COPS7A: variants seen among roughly 807,000 people sequenced by gnomAD.
The protein encoded by COPS7A is COP9 signalosome complex subunit 7a.
COPS7A carries 20 observed loss-of-function variants against 35.2 expected under a neutral mutation model. The observed-to-expected ratio is 0.57, with a 90% CI of 0.40 to 0.83. The LOEUF is 0.83. Ranked by LOEUF, COPS7A falls within the 40% of genes least tolerant of loss-of-function variation. COPS7A has a pLI of 0.00. For synonymous variants in COPS7A, 139 were observed against 141.4 expected, an observed-to-expected ratio of 0.98 and a Z score of 0.12; for missense variants, 247 against 347.5, an observed-to-expected ratio of 0.71 and a Z score of 2.30.
At position 6,728,209 on chromosome 12, in the gene COPS7A, T is replaced by C; in HGVS notation, c.239-14T>C. ...TGAAATCAGGATTCCTTACACTTTG[T>C]CGTTTTTCCCTAGCTGAAGCCCGGA... is the stretch of plus-strand genomic sequence containing the variant. On this transcript the variant is annotated splice_polypyrimidine_tract_variant and intron_variant, in intron 3 of 7. Coordinates refer to ENST00000543155, the MANE Select transcript of COPS7A (RefSeq NM_001164094.2). The C allele has an allele frequency of 6.2e-7, 1 of 1,612,742 alleles. No individual in the cohort carries two copies. Among genetic ancestry groups the C allele is most frequent in the Non-Finnish European group, 8.5e-7 (1 of 1,178,926 alleles).
chr12:6,727,833 G>C (rs1006037204), intron 2 of COPS7A, 93 bp from the exon 3 acceptor site: 1 of 1,183,734 alleles, frequency 8.4e-7, no homozygotes, highest in African/African-American at 1.5e-5. Flanking sequence ...GGCCGGGAAA[G>C]ATGGGGCCAA....
At position 6,729,470 on chromosome 12, in the gene COPS7A, C is replaced by G. The variant is rs771834290; in HGVS notation, c.530+21C>G. On this transcript the variant is annotated intron_variant, in intron 5 of 7. Coordinates refer to ENST00000543155, the MANE Select transcript of COPS7A (RefSeq NM_001164094.2). The surrounding 1 kb of genome is among the most constrained non-coding windows in gnomAD (Gnocchi z 4.2). ...GAATGGTGAGAACCGTATCCTGGCA[C>G]TGTCCCCTTCTCACCCTGAGAAAGA... is the stretch of plus-strand genomic sequence containing the variant. The G allele has an allele frequency of 6.2e-7, 1 of 1,608,274 alleles. No homozygotes were observed. Among genetic ancestry groups the G allele is most frequent in the Non-Finnish European group, 8.5e-7 (1 of 1,178,330 alleles).
At chr12:6,724,882 T>C (rs554571982) in intron 2 of COPS7A, 64 bp downstream of exon 2, 1 of 1,538,626 alleles carries the variant, frequency 6.5e-7, no homozygotes, top group East Asian at 2.3e-5. Flanking sequence ...TGAGAATGGG[T>C]GGGCAGGGCT....
chr12:6,730,701 G>C lies in COPS7A; in HGVS notation c.669G>C (p.Thr223=). The C allele has an allele frequency of 6.2e-7, 1 of 1,614,048 alleles. No homozygotes were observed. The highest frequency in any genetic ancestry group is 8.5e-7 in the Non-Finnish European group (1 of 1,180,016). The part of the protein sequence containing the change: ...VANLKKTIKV[T]TAAAAAATSQ... ...ACCTTAAAAAAACCATTAAAGTTACGACGGCAGCAGCAGCCGCAGCCACAT... is the reference window on the plus strand; with the variant it reads ...ACCTTAAAAAAACCATTAAAGTTACCACGGCAGCAGCAGCCGCAGCCACAT... The change falls in exon 7 of 8, where the codon ACG becomes ACC. Residue 223 remains threonine (T), a synonymous_variant. Coordinates refer to ENST00000543155, the MANE Select transcript of COPS7A (RefSeq NM_001164094.2).
At chr12:6,724,587 C>CT in intron 1 of COPS7A, 27 bp from the exon 2 acceptor site, 2 of 1,598,360 alleles carry the variant, frequency 1.3e-6, no homozygotes, top group Non-Finnish European at 1.7e-6. Context: ...TCGGGGACCT[C>CT]TAGCTTCACA....
chr12:6,725,525 A>C (rs1385631943), intron 2 of COPS7A: 2 of 437,168 alleles, frequency 4.6e-6, no homozygotes, highest in Non-Finnish European at 4.7e-6. Flanking sequence ...AGATTATGGG[A>C]AAGTGTGAAG....
chr12:6,729,373 C>T lies in COPS7A; in HGVS notation c.454C>T (p.Leu152Phe), dbSNP rs759373158. 1.2e-6 allele frequency: 2 copies of T among 1,614,176 alleles called. No homozygotes were observed. The highest frequency in any genetic ancestry group is 1.7e-6 in the Non-Finnish European group (2 of 1,180,038). ...CTCCCTGGACCAGCGCAACCAGCGG[C>T]TCGAGGTTGACTACAGCATCGGGCG... ...RGSLDQRNQR[L>F]EVDYSIGRDI... Residue 152 changes from leucine (L) to phenylalanine (F), a missense_variant, in exon 5 of 8, where the codon CTC (leucine) becomes TTC (phenylalanine). Transcript: ENST00000543155. The surrounding 1 kb of genome is among the most constrained non-coding windows in gnomAD (Gnocchi z 4.2).
At chr12:6,728,616 C>G (rs1384488832) in intron 4 of COPS7A, among the ~76,000 whole-genome samples, 1 of 152,210 alleles carries the variant, frequency 6.6e-6, no homozygotes, top group African/African-American at 2.4e-5. Context: ...GGAAACAGGG[C>G]TCTCCTGATG....
chr12:6,727,894 TC>T (rs1239185526), intron 2 of COPS7A, 31 bp from the exon 3 acceptor site: 8 of 1,610,474 alleles, frequency 5.0e-6, no homozygotes, highest in African/African-American at 1.3e-5. Flanking sequence ...AGGGAAGACT[TC>T]CCGTCACCTC....
chr12:6,729,422 G>C lies in COPS7A; in HGVS notation c.503G>C (p.Ser168Thr), dbSNP rs1941338174. 12 of 1,614,020 alleles carry C rather than the reference G, an allele frequency of 7.4e-6. No homozygotes were observed. Among genetic ancestry groups the C allele is most frequent in the Non-Finnish European group, 1.0e-5 (12 of 1,180,040 alleles). ...CGGGACATCCAGCGCCAGGACCTCA[G>C]TGCCATTGCCCGAACCCTGCAGGAA... Reference protein sequence around the residue: ...IGRDIQRQDLSAIARTLQEWC... With the variant: ...IGRDIQRQDLTAIARTLQEWC... The change falls in exon 5 of 8, where the codon AGT becomes ACT. Residue 168 changes from serine (S) to threonine (T), a missense_variant. Transcript: ENST00000543155. This position sits in a 1 kb window ranked among gnomAD's most constrained non-coding sequence, Gnocchi z 4.2.
rs1592471994 is a variant in COPS7A, at chr12:6,729,525, G to A, written c.530+76G>A. ...GGCGCTTCAGGGTGAGAGAGGGCAG[G>A]AGCTGGGCTGGTCCGCAGAGGTGGA... On this transcript the variant is annotated intron_variant, in intron 5 of 7. Coordinates refer to ENST00000543155, the MANE Select transcript of COPS7A (RefSeq NM_001164094.2). This position sits in a 1 kb window ranked among gnomAD's most constrained non-coding sequence, Gnocchi z 4.2. 2.0e-6 allele frequency: 3 copies of A among 1,471,114 alleles called. No individual in the cohort carries two copies. Among genetic ancestry groups the A allele is most frequent in the East Asian group, 4.8e-5 (2 of 41,710 alleles). 91.1% of individuals were successfully genotyped at this position (1,471,114 alleles called of 1,614,324 possible). A position where few individuals can be genotyped will look rare whatever the true frequency, so the allele number is the denominator to read the frequency against.
intron 2 of COPS7A, chr12:6,727,530 A>G: frequency 2.6e-6 from 1 of 382,270 alleles, no homozygotes; most frequent in Non-Finnish European, 5.1e-6. Context: ...AGTCTGGTGA[A>G]TTGGGGAGTA....
rs757043808 is a variant in COPS7A at position 6,731,039 on chromosome 12, A to G, written c.828A>G (p.Ter276TrpextTer32). The change falls in exon 8 of 8, where the codon TGA (stop) becomes TGG (tryptophan). Residue 276 changes from the stop codon to tryptophan, a stop_lost. Transcript: ENST00000543155. ...CCAAGATTTGGTCCAAGTCGAATTG[A>G]AAGGACTGTCGTTTCCTCCCTGGGG... ...GSAKIWSKSN[*>W] 1 of 1,614,048 alleles carries G rather than the reference A, an allele frequency of 6.2e-7. No individual in the cohort carries two copies. The highest frequency in any genetic ancestry group is 1.1e-5 in the South Asian group (1 of 91,084).
At position 6,724,776 on chromosome 12, in the gene COPS7A, C is replaced by T. The variant is rs1317529423; in HGVS notation, c.120C>T (p.Val40=). 1 of 1,614,170 alleles carries T rather than the reference C, an allele frequency of 6.2e-7. No homozygotes were observed. Among genetic ancestry groups the T allele is most frequent in the Non-Finnish European group, 8.5e-7 (1 of 1,180,042 alleles). Residue 40 remains valine, a synonymous_variant, in exon 2 of 8, where the codon GTC becomes GTT. Coordinates refer to ENST00000543155, the MANE Select transcript of COPS7A (RefSeq NM_001164094.2). ...ATCAGGTGCTGGAGGCCCCTGGTGTCTACGTGTTTGGAGAACTGCTGGACA... is the reference window on the plus strand; with the variant it reads ...ATCAGGTGCTGGAGGCCCCTGGTGTTTACGTGTTTGGAGAACTGCTGGACA... ...LIHQVLEAPG[V]YVFGELLDMP...
rs1330008154 is a variant in COPS7A at position 6,724,134 on chromosome 12, T to G, written c.-89T>G. 4.1e-6 allele frequency: 1 copy of G among 242,728 alleles called. No homozygotes were observed. Among genetic ancestry groups the G allele is most frequent in the Non-Finnish European group, 8.4e-6 (1 of 119,306 alleles). The allele number at this position is 242,728 out of a possible 1,614,324, so 15.0% of individuals were successfully genotyped here. The stretch of plus-strand genomic sequence containing the variant: ...GGAGCGGCGGCCCCGCCCGGTGCGC[T>G]GGAGGTCGAAGCTTCCAGGTAGCGG... On this transcript the variant is annotated 5_prime_UTR_variant, in exon 1 of 8. Coordinates refer to ENST00000543155, the MANE Select transcript of COPS7A (RefSeq NM_001164094.2).
Position 6,724,706 on chromosome 12 carries a change from T to C in COPS7A, c.50T>C (p.Leu17Pro). 6.2e-7 allele frequency: 1 copy of C among 1,614,124 alleles called. No homozygotes were observed. The change falls in exon 2 of 8, where the codon CTC becomes CCC. Residue 17 changes from leucine (L) to proline (P), a missense_variant. Physicochemically the swap from Leu to Pro is moderately conservative, Grantham distance 98. Transcript: ENST00000543155. Reference sequence around the variant, plus strand: ...GGGCAGAACCAGGAGCAATTTCTGCTCCTAGCCAAGTCGGCCAAGGGGGCA... The same window carrying C: ...GGGCAGAACCAGGAGCAATTTCTGCCCCTAGCCAAGTCGGCCAAGGGGGCA... ...VTGQNQEQFL[L>P]LAKSAKGAAL...
Position 6,731,430 on chromosome 12 carries a change from C to T in COPS7A, c.*391C>T, listed in dbSNP as rs964135065. On this transcript the variant is annotated 3_prime_UTR_variant, in exon 8 of 8. Transcript: ENST00000543155. ...CACCCCATCCCTGCATGCCTGATCC[C>T]CAGTTCCTATACCCTACCCCTGACC... 4 of 820,700 alleles carry T rather than the reference C, an allele frequency of 4.9e-6. No individual in the cohort carries two copies. The highest frequency in any genetic ancestry group is 6.7e-6 in the Non-Finnish European group (4 of 596,650). The allele number at this position is 820,700 out of a possible 1,614,324, so 50.8% of individuals were successfully genotyped here.
intron 2 of COPS7A, chr12:6,725,842 CTT>C (rs1339841664): frequency 2.2e-6 from 1 of 456,098 alleles, no homozygotes; most frequent in Non-Finnish European, 4.4e-6. Flanking sequence ...AACTGGCTGA[CTT>C]TTCCCTGCTT....
chr12:6,724,333 G>C (rs1038444893), intron 1 of COPS7A, 154 bp downstream of exon 1: 10 of 454,386 alleles, frequency 2.2e-5, no homozygotes, highest in African/African-American at 1.8e-4. Flanking sequence ...TCGTCAGGGT[G>C]GACACCATGC....
Sources: gnomAD v4.1 joint callset for allele counts (sites outside exome capture counted in the v4.1 genomes callset) on GRCh38, gnomAD v4.1.1 for gene constraint, Gnocchi (gnomAD v3.1) non-coding constraint, MANE v1.5 for transcripts, NCBI Gene and HGNC (gene_info 2026-07-23, HGNC 2026-07-21) for gene names.